Variants in KCTD16 observed in about 807,000 individuals in gnomAD.
KCTD16 encodes BTB/POZ domain-containing protein KCTD16.
A neutral mutation model predicts 33.2 loss-of-function variants in KCTD16; 13 were observed. The observed-to-expected ratio is 0.39, with a 90% CI of 0.25 to 0.62. The LOEUF (loss-of-function observed/expected upper bound fraction) is 0.62, where lower values mean the gene tolerates loss of function less well. Ranked by LOEUF, KCTD16 falls within the 20% of genes least tolerant of loss-of-function variation. The probability of loss-of-function intolerance (pLI) is 0.50; values close to 1 mark genes in which losing one functional copy is unlikely to be tolerated. For synonymous variants in KCTD16, 197 were observed against 195.3 expected, an observed-to-expected ratio of 1.01 and a Z score of -0.07; for missense variants, 441 against 525.1, an observed-to-expected ratio of 0.84 and a Z score of 1.57.
In KCTD16 at chr5:144,206,728, G is replaced by A. The variant is rs1753182443; in HGVS notation, c.14G>A (p.Gly5Glu). The change falls in exon 3 of 4, where the codon GGA becomes GAA. Residue 5 changes from glycine to glutamate, a missense_variant. By Grantham distance (98) the Gly-to-Glu change is moderately conservative. Coordinates refer to ENST00000512467, the MANE Select transcript of KCTD16 (RefSeq NM_020768.4). Reference sequence around the variant, plus strand: ...AAGAAAGGGACAATGGCTCTGAGTGGAAACTGTAGTCGTTATTATCCTCGA... The same window carrying A: ...AAGAAAGGGACAATGGCTCTGAGTGAAAACTGTAGTCGTTATTATCCTCGA... MALSGNCSRYYPREQ... is the reference protein window; with the variant it reads MALSENCSRYYPREQ... The A allele has an allele frequency of 6.2e-7, 1 of 1,612,468 alleles. No homozygotes were observed. The highest frequency in any genetic ancestry group is 1.1e-5 in the South Asian group (1 of 90,952).
At position 144,481,197 on chromosome 5, in the gene KCTD16, A is replaced by G. The variant is rs1374137414; in HGVS notation, c.*7083A>G. The stretch of plus-strand genomic sequence containing the variant: ...TGTGAAGCACTCTGGGATCCTTTTC[A>G]GTTTACATGATCCTGTTAAAGATGT... On this transcript the variant is annotated 3_prime_UTR_variant, in exon 4 of 4. Transcript: ENST00000512467. 1 of 151,942 alleles carries G rather than the reference A, an allele frequency of 6.6e-6. No individual in the cohort carries two copies. Among genetic ancestry groups the G allele is most frequent in the African/African-American group, 2.4e-5 (1 of 41,406 alleles). The allele number at this position is 151,942 out of a possible 1,614,324, so 9.4% of individuals were successfully genotyped here.
intron 3 of KCTD16, among the ~76,000 whole-genome samples, chr5:144,339,193 A>G (rs1463381974): frequency 1.3e-5 from 2 of 152,194 alleles, no homozygotes; most frequent in African/African-American, 4.8e-5. Context: ...AATCTTCTCA[A>G]TAGCCCTAAA....
intron 3 of KCTD16, among the ~76,000 whole-genome samples, chr5:144,215,212 C>T (rs75851397): frequency 6.7e-4 from 102 of 152,270 alleles, no homozygotes; most frequent in Non-Finnish European, 7.5e-4. Context: ...AAAACACTTA[C>T]CAGCAGCAAA....
chr5:144,326,804 A>G (rs1335256550), intron 3 of KCTD16, among the ~76,000 whole-genome samples: 1 of 152,140 alleles, frequency 6.6e-6, no homozygotes, highest in Non-Finnish European at 1.5e-5. Flanking sequence ...ATCCTTAACA[A>G]AGTGCTTCTT....
rs1755084131 is a variant in KCTD16 at position 144,264,255 on chromosome 5, GA to G, written c.832+56714del. Among the ~76,000 whole-genome samples, 5 of 152,174 alleles carry G rather than the reference GA, an allele frequency of 3.3e-5. No homozygotes were observed. The South Asian group carries it at 8.3e-4, about 25-fold the overall frequency. On this transcript the variant is annotated intron_variant, in intron 3 of 3. Transcript: ENST00000512467. ...ATGCTTACTGTTTGTGTATGATCCT[GA>G]AAAATACATAACAGAATAAACATGA...
intron 3 of KCTD16, among the ~76,000 whole-genome samples, chr5:144,388,473 T>A (rs1011393956): frequency 4.9e-4 from 75 of 152,222 alleles, no homozygotes; most frequent in Non-Finnish European, 6.2e-4. Context: ...CTGAATATTG[T>A]CTTGAATGTA....
At chr5:144,327,381 T>C (rs1385152623) in intron 3 of KCTD16, among the ~76,000 whole-genome samples, 2 of 152,178 alleles carry the variant, frequency 1.3e-5, no homozygotes, top group Non-Finnish European at 1.5e-5. Flanking sequence ...TAATGCTGGC[T>C]CTGTCTTCAA....
chr5:144,351,412 G>T (rs1308059595), intron 3 of KCTD16, among the ~76,000 whole-genome samples: 1 of 152,148 alleles, frequency 6.6e-6, no homozygotes, highest in African/African-American at 2.4e-5. Context: ...AAGTGTTGGT[G>T]AGGATGTGGG....
At chr5:144,412,933 G>A (rs1040817628) in intron 3 of KCTD16, among the ~76,000 whole-genome samples, 7 of 152,028 alleles carry the variant, frequency 4.6e-5, no homozygotes, top group African/African-American at 1.7e-4. Flanking sequence ...CTATCAGTAG[G>A]GTGATATAGT....
intron 3 of KCTD16, among the ~76,000 whole-genome samples, chr5:144,226,446 G>C (rs1028412243): frequency 1.9e-4 from 29 of 152,166 alleles, no homozygotes; most frequent in African/African-American, 7.0e-4. Flanking sequence ...ATTTTTAAAA[G>C]ATTTAGAACA....
At chr5:144,349,896 T>A (rs1325604446) in intron 3 of KCTD16, among the ~76,000 whole-genome samples, 2 of 152,178 alleles carry the variant, frequency 1.3e-5, no homozygotes, top group Admixed American at 1.3e-4. Flanking sequence ...ACCTTGACCT[T>A]CTCTAACTTC....
At position 144,266,937 on chromosome 5, in the gene KCTD16, C is replaced by T. The variant is rs142499230; in HGVS notation, c.832+59391C>T. Among the ~76,000 whole-genome samples, 28 of 152,236 alleles carry T rather than the reference C, an allele frequency of 1.8e-4. No homozygotes were observed. In the East Asian group the frequency reaches 4.4e-3, roughly 24 times the overall value. ...CTGGTCCTGAAGCATGAATTTTGGCCAAAGCCTCTTATTCGGTTGGTGCAA... is the reference window on the plus strand; with the variant it reads ...CTGGTCCTGAAGCATGAATTTTGGCTAAAGCCTCTTATTCGGTTGGTGCAA... On this transcript the variant is annotated intron_variant, in intron 3 of 3. Transcript: ENST00000512467.
At chr5:144,430,350 G>A (rs1254905128) in intron 3 of KCTD16, among the ~76,000 whole-genome samples, 3 of 152,150 alleles carry the variant, frequency 2.0e-5, no homozygotes, top group Admixed American at 1.3e-4. Context: ...GATAAGGAAA[G>A]GAGTGGGGTA....
At position 144,483,019 on chromosome 5, in the gene KCTD16, C is replaced by G. The variant is rs1016634547; in HGVS notation, c.*8905C>G. 2 of 150,728 alleles carry G rather than the reference C, an allele frequency of 1.3e-5. No individual in the cohort carries two copies. The highest frequency in any genetic ancestry group is 2.4e-5 in the African/African-American group (1 of 41,096). The allele number at this position is 150,728 out of a possible 1,614,324, so 9.3% of individuals were successfully genotyped here. A position where few individuals can be genotyped will look rare whatever the true frequency, so the allele number is the denominator to read the frequency against. On this transcript the variant is annotated 3_prime_UTR_variant, in exon 4 of 4. Coordinates refer to ENST00000512467, the MANE Select transcript of KCTD16 (RefSeq NM_020768.4). Reference sequence around the variant, plus strand: ...TTAACAAAATATTTAGATTTAATATCTATGAATAATAAACCAAAAAAAGTG... The same window carrying G: ...TTAACAAAATATTTAGATTTAATATGTATGAATAATAAACCAAAAAAAGTG...
At chr5:144,351,932 T>C (rs1448636407) in intron 3 of KCTD16, among the ~76,000 whole-genome samples, 3 of 152,102 alleles carry the variant, frequency 2.0e-5, no homozygotes, top group Non-Finnish European at 4.4e-5. Context: ...TTCAGTGAGA[T>C]AGTAGAAATA....
intron 3 of KCTD16, among the ~76,000 whole-genome samples, chr5:144,267,006 A>C (rs1005372816): frequency 2.0e-5 from 3 of 152,114 alleles, no homozygotes; most frequent in Non-Finnish European, 4.4e-5. Context: ...GTTTATATAT[A>C]TTTTTTTCCT....
intron 3 of KCTD16, among the ~76,000 whole-genome samples, chr5:144,207,806 T>C (rs1349550294): frequency 6.6e-6 from 1 of 152,202 alleles, no homozygotes; most frequent in East Asian, 1.9e-4. Context: ...ATATGTAAAA[T>C]GGAACAAGCA....
At chr5:144,461,660 T>C (rs186088065) in intron 3 of KCTD16, among the ~76,000 whole-genome samples, 1 of 152,222 alleles carries the variant, frequency 6.6e-6, no homozygotes, top group Non-Finnish European at 1.5e-5. Context: ...CGCTCTGTTG[T>C]GGCTCCTCAT....
chr5:144,283,288 T>C (rs1755656738), intron 3 of KCTD16, among the ~76,000 whole-genome samples: 1 of 152,190 alleles, frequency 6.6e-6, no homozygotes, highest in Non-Finnish European at 1.5e-5. Flanking sequence ...CCCTGTTGGT[T>C]AGACCACCAG....
Sources: allele counts gnomAD v4.1 joint callset (sites outside exome capture counted in the v4.1 genomes callset), GRCh38; gene constraint gnomAD v4.1.1; transcripts MANE v1.5; gene names NCBI Gene and HGNC (gene_info 2026-07-23, HGNC 2026-07-21).